The following MGAT3 variants were observed in gnomAD, a reference collection of about 807,000 sequenced individuals.
MGAT3 encodes the protein beta-1,4-mannosyl-glycoprotein 4-beta-N-acetylglucosaminyltransferase.
A neutral mutation model predicts 29.8 loss-of-function variants in MGAT3; 9 were observed. The ratio of observed to expected loss-of-function variants is 0.30; its 90% confidence interval spans 0.18 to 0.53. The LOEUF (loss-of-function observed/expected upper bound fraction) is 0.53. MGAT3 is among the 20% of genes least tolerant of loss of function. MGAT3 has a pLI of 0.96. For synonymous variants in MGAT3, 397 were observed against 348.9 expected (o/e 1.14, Z -1.54); for missense variants, 557 against 769.5 (o/e 0.72, Z 3.27).
At chr22:39,462,933 A>C (rs975571996) in intron 1 of MGAT3, among the ~76,000 whole-genome samples, 2 of 152,180 alleles carry the variant, frequency 1.3e-5, no homozygotes, top group African/African-American at 4.8e-5. Context: ...CCAGGGAGAC[A>C]GACCTGTGCA....
In MGAT3 at chr22:39,488,163, C is replaced by T. The variant is rs139701562; in HGVS notation, c.816C>T (p.Val272=). The change falls in exon 2 of 2, where the codon GTC becomes GTT. Residue 272 remains valine (V), a synonymous_variant. Transcript: ENST00000341184. ...FEYIRHKVLY[V]FLDHFPPGGR... ...ACATCCGCCACAAGGTGCTCTATGT[C>T]TTCCTGGACCACTTCCCGCCCGGCG... 3.2e-5 allele frequency: 51 copies of T among 1,612,886 alleles called. No individual in the cohort carries two copies. Among genetic ancestry groups the T allele is most frequent in the Admixed American group, 1.3e-4 (8 of 60,000 alleles).
rs182978842 is a variant in MGAT3 at position 39,468,938 on chromosome 22, T to A, written c.-2+11381T>A. The stretch of plus-strand genomic sequence containing the variant: ...CTGTGCCTCCTTGAGGGACTTGGAC[T>A]TTCTCCTGAGGGCAGCGGTTCCAAG... On this transcript the variant is annotated intron_variant, in intron 1 of 1. Coordinates refer to ENST00000341184, the MANE Select transcript of MGAT3 (RefSeq NM_002409.5). 4.3e-4 allele frequency among the ~76,000 whole-genome samples: 65 copies of A among 152,082 alleles called. 2 individuals are homozygous for A. The highest frequency in any genetic ancestry group is 1.6e-3 in the African/African-American group (65 of 41,352).
intron 1 of MGAT3, among the ~76,000 whole-genome samples, chr22:39,465,347 A>C (rs556041978): frequency 6.6e-6 from 1 of 152,288 alleles, no homozygotes; most frequent in African/African-American, 2.4e-5. Context: ...TCAGCTGGCC[A>C]CGTGGCCTCT....
chr22:39,463,731 G>A (rs1040288263), intron 1 of MGAT3, among the ~76,000 whole-genome samples: 1 of 151,842 alleles, frequency 6.6e-6, no homozygotes, highest in African/African-American at 2.4e-5. Context: ...GGGCAACATA[G>A]TGGGACCCTG....
chr22:39,458,519 G>C (rs1726668484), intron 1 of MGAT3, among the ~76,000 whole-genome samples: 1 of 152,060 alleles, frequency 6.6e-6, no homozygotes, highest in Non-Finnish European at 1.5e-5. Flanking sequence ...GAAAGATCCA[G>C]ACATGGAGCC....
intron 1 of MGAT3, among the ~76,000 whole-genome samples, chr22:39,485,161 C>T (rs193150169): frequency 2.6e-5 from 4 of 152,338 alleles, no homozygotes; most frequent in East Asian, 3.9e-4. Flanking sequence ...GGGTTCCCCC[C>T]GGACAGGTCA....
intron 1 of MGAT3, among the ~76,000 whole-genome samples, chr22:39,486,848 C>A (rs1320689549): frequency 6.6e-6 from 1 of 152,102 alleles, no homozygotes; most frequent in Admixed American, 6.6e-5. Flanking sequence ...TCCCTTGAGA[C>A]CTGTGAGTTT....
chr22:39,488,281 G>C lies in MGAT3; in HGVS notation c.934G>C (p.Val312Leu), dbSNP rs757992358. The C allele has an allele frequency of 1.9e-6, 3 of 1,611,676 alleles. No individual in the cohort carries two copies. The highest frequency in any genetic ancestry group is 2.5e-6 in the Non-Finnish European group (3 of 1,179,952). Residue 312 changes from valine (V) to leucine (L), a missense_variant, in exon 2 of 2, where the codon GTC becomes CTC. Coordinates refer to ENST00000341184, the MANE Select transcript of MGAT3 (RefSeq NM_002409.5). ...GCTGCGCAACCTGCGGCCCGACGAC[G>C]TCTTCATCATTGACGATGCGGACGA... ...SRLRNLRPDD[V>L]FIIDDADEIP...
chr22:39,489,062 G>T lies in MGAT3; in HGVS notation c.*113G>T. On this transcript the variant is annotated 3_prime_UTR_variant, in exon 2 of 2. Transcript: ENST00000341184. ...TCTTGAGGGGACCAGGAGTGGGTGG[G>T]GAGTGGGGGTGGGGGTAGGGTTTCC... 1 of 1,259,704 alleles carries T rather than the reference G, an allele frequency of 7.9e-7. No individual in the cohort carries two copies. Among genetic ancestry groups the T allele is most frequent in the Non-Finnish European group, 1.1e-6 (1 of 930,832 alleles). The allele number at this position is 1,259,704 out of a possible 1,614,324, so 78.0% of individuals were successfully genotyped here.
At chr22:39,474,868 G>T (rs965676259) in intron 1 of MGAT3, among the ~76,000 whole-genome samples, 5 of 152,164 alleles carry the variant, frequency 3.3e-5, no homozygotes, top group Non-Finnish European at 1.5e-5. Flanking sequence ...GAGCCCTCGG[G>T]CCCTCCTGAA....
intron 1 of MGAT3, chr22:39,477,519 G>C (rs987488673): frequency 6.6e-6 from 1 of 151,476 alleles, no homozygotes; most frequent in South Asian, 2.1e-4. Flanking sequence ...ATCTGTATTT[G>C]GTCGTCCAGC....
At chr22:39,459,926 C>T (rs1445333345) in intron 1 of MGAT3, among the ~76,000 whole-genome samples, 1 of 152,246 alleles carries the variant, frequency 6.6e-6, no homozygotes, top group African/African-American at 2.4e-5. Context: ...CACTGGGCAG[C>T]GGCCATGAGA....
At chr22:39,465,108 G>A (rs749321299) in intron 1 of MGAT3, among the ~76,000 whole-genome samples, 4 of 152,096 alleles carry the variant, frequency 2.6e-5, no homozygotes, top group African/African-American at 4.8e-5. Context: ...TCCTGAGCCC[G>A]GAGCACTTTG....
At chr22:39,481,219 T>G (rs1360568870) in intron 1 of MGAT3, among the ~76,000 whole-genome samples, 1 of 152,128 alleles carries the variant, frequency 6.6e-6, no homozygotes, top group Non-Finnish European at 1.5e-5. Flanking sequence ...GCCTTCTGCC[T>G]GGAACATTCT....
At chr22:39,486,208 C>T (rs947728065) in intron 1 of MGAT3, 1 of 412,416 alleles carries the variant, frequency 2.4e-6, no homozygotes, top group South Asian at 1.7e-5. Flanking sequence ...AGTGCAATGG[C>T]GTGATCATGG....
At chr22:39,472,051 C>T (rs1928826408) in intron 1 of MGAT3, among the ~76,000 whole-genome samples, 1 of 152,108 alleles carries the variant, frequency 6.6e-6, no homozygotes, top group African/African-American at 2.4e-5. Flanking sequence ...TGGGCTCAGC[C>T]TCCTTCCAGG....
At chr22:39,466,543 C>T (rs1466764520) in intron 1 of MGAT3, among the ~76,000 whole-genome samples, 1 of 152,202 alleles carries the variant, frequency 6.6e-6, no homozygotes, top group Non-Finnish European at 1.5e-5. Context: ...ATGTGAGCCT[C>T]ACCTTCCTAC....
At chr22:39,466,260 GC>G (rs1278533410) in intron 1 of MGAT3, among the ~76,000 whole-genome samples, 1 of 152,184 alleles carries the variant, frequency 6.6e-6, no homozygotes, top group Admixed American at 6.5e-5. Context: ...TGGGGCCACC[GC>G]TTGCGGGCAG....
intron 1 of MGAT3, among the ~76,000 whole-genome samples, chr22:39,478,197 G>A (rs1051053637): frequency 3.3e-5 from 5 of 152,220 alleles, no homozygotes; most frequent in East Asian, 1.9e-4. Context: ...GAGGTAGTGC[G>A]GGTCCACCCC....
Sources: allele counts gnomAD v4.1 joint callset (sites outside exome capture counted in the v4.1 genomes callset), GRCh38; gene constraint gnomAD v4.1.1; transcripts MANE v1.5; gene names NCBI Gene and HGNC (gene_info 2026-07-23, HGNC 2026-07-21).